The following MUC4 variants were observed in gnomAD, a reference collection of about 807,000 sequenced individuals.
The protein encoded by MUC4 is mucin-4.
Under a neutral mutation model 257.9 loss-of-function variants are expected in MUC4, and 202 were observed. The ratio of observed to expected loss-of-function variants is 0.78; its 90% confidence interval spans 0.70 to 0.88. The LOEUF is 0.88. Among genes scored for constraint, MUC4 ranks in the 40% least tolerant of loss-of-function variants. MUC4 has a pLI of 0.00. For missense variants in MUC4, 5,976 were observed against 6,513.7 expected (o/e 0.92, Z 2.84); for synonymous variants, 2,351 against 2,757.1 (o/e 0.85, Z 4.62).
chr3:195,761,872 C>T (rs377380134), intron 14 of MUC4, among the ~76,000 whole-genome samples: 27 of 152,252 alleles, frequency 1.8e-4, no homozygotes, highest in East Asian at 1.4e-3. Context: ...CGCAGCCCCC[C>T]CTGATGCTCC....
chr3:195,811,682 A>C (rs1277653604), intron 1 of MUC4, 54 bp downstream of exon 1: 5 of 1,531,964 alleles, frequency 3.3e-6, no homozygotes, highest in African/African-American at 1.4e-5. Flanking sequence ...GACAGCTCCC[A>C]CCTCCCCCAA....
In MUC4 at chr3:195,755,649, G is replaced by A. The variant is rs902740545; in HGVS notation, c.15169-1277C>T. Among the ~76,000 whole-genome samples, 4 of 152,060 alleles carry A rather than the reference G, an allele frequency of 2.6e-5. No individual in the cohort carries two copies. Among genetic ancestry groups the A allele is most frequent in the Admixed American group, 6.6e-5 (1 of 15,256 alleles). ...CCCTTTCTAACTCCCTTACTGAAGC[G>A]ACTCGGGGAATCTCCCTAAAATGGA... On this transcript the variant is annotated intron_variant, in intron 18 of 24. Coordinates refer to ENST00000463781, the MANE Select transcript of MUC4 (RefSeq NM_018406.7). The surrounding 1 kb of genome is among the most constrained non-coding windows in gnomAD (Gnocchi z 5.0).
Position 195,757,305 on chromosome 3 carries a change from G to A in MUC4, c.15010C>T (p.Pro5004Ser). The A allele has an allele frequency of 1.2e-6, 2 of 1,607,988 alleles. No individual in the cohort carries two copies. Among genetic ancestry groups the A allele is most frequent in the Non-Finnish European group, 1.7e-6 (2 of 1,174,920 alleles). The change falls in exon 18 of 25, where the codon CCC becomes TCC. Residue 5004 changes from proline to serine, a missense_variant. Physicochemically the swap from Pro to Ser is moderately conservative, Grantham distance 74 (BLOSUM62 -1). Transcript: ENST00000463781. This position sits in a 1 kb window ranked among gnomAD's most constrained non-coding sequence, Gnocchi z 4.8. Reference sequence around the variant, plus strand: ...AGAGTGAATGGCTCCAGCGACTTGGGTGTCCACAGCAACGTCCCATTCTCT... The same window carrying A: ...AGAGTGAATGGCTCCAGCGACTTGGATGTCCACAGCAACGTCCCATTCTCT... The part of the protein sequence containing the change: ...LFENGTLLWT[P>S]KSLEPFTLEI...
chr3:195,761,152 G>A, intron 15 of MUC4, 35 bp from the exon 16 acceptor site: 3 of 1,577,424 alleles, frequency 1.9e-6, no homozygotes, highest in Non-Finnish European at 2.6e-6. Flanking sequence ...ACCAGGCATG[G>A]CACTCAGCCT....
intron 1 of MUC4, among the ~76,000 whole-genome samples, chr3:195,806,732 G>C (rs1736034870): frequency 1.3e-5 from 2 of 152,228 alleles, no homozygotes; most frequent in Admixed American, 1.3e-4. Context: ...TGAGTCAGGA[G>C]ACCTGGGTTC....
intron 23 of MUC4, chr3:195,750,677 T>C: frequency 3.4e-6 from 2 of 588,956 alleles, no homozygotes; most frequent in Non-Finnish European, 6.0e-6. Context: ...GCTGGGTGCT[T>C]GCTCCGTGAA....
intron 19 of MUC4, 172 bp from the exon 20 acceptor site, chr3:195,753,402 C>A: frequency 3.2e-6 from 2 of 619,350 alleles, no homozygotes; most frequent in Non-Finnish European, 2.8e-6. Flanking sequence ...TGCAGGGCAA[C>A]CCCTTTCCCC....
chr3:195,788,339 C>T lies in MUC4; in HGVS notation c.3241G>A (p.Ala1081Thr), dbSNP rs746781019. Residue 1081 changes from alanine (A) to threonine (T), a missense_variant, in exon 2 of 25, where the codon GCA (alanine) becomes ACA (threonine). Coordinates refer to ENST00000463781, the MANE Select transcript of MUC4 (RefSeq NM_018406.7). ...TPLPVTSLSS[A>T]STGDTTPLPV... The stretch of plus-strand genomic sequence containing the variant: ...AGAGGGGTGGTGTCACCTGTGGATG[C>T]TGAGGAAAGGCTGGTGACAGGAAGA... 1.3e-6 allele frequency: 2 copies of T among 1,546,216 alleles called. No homozygotes were observed. The highest frequency in any genetic ancestry group is 1.7e-6 in the Non-Finnish European group (2 of 1,146,020).
At chr3:195,747,779 T>C (rs545171923) in intron 24 of MUC4, among the ~76,000 whole-genome samples, 78 of 152,366 alleles carry the variant, frequency 5.1e-4, no homozygotes, top group African/African-American at 1.8e-3. Flanking sequence ...CAGAATCGCT[T>C]GAACCTGGGA....
At chr3:195,752,083 C>T (rs1194350696) in intron 21 of MUC4, 4 of 432,608 alleles carry the variant, frequency 9.2e-6, no homozygotes, top group South Asian at 9.9e-5. Context: ...GGAAGACTCC[C>T]GGGAGGTGAA....
intron 14 of MUC4, 101 bp downstream of exon 14, chr3:195,761,986 G>A: frequency 7.5e-7 from 1 of 1,340,082 alleles, no homozygotes. Context: ...CAAGGAGGCG[G>A]AGAAAGGGAG....
chr3:195,747,425 A>G, intron 24 of MUC4, 45 bp from the exon 25 acceptor site: 1 of 1,580,798 alleles, frequency 6.3e-7, no homozygotes, highest in Non-Finnish European at 8.7e-7. Context: ...GCGGGAGCTC[A>G]GCCTCCCAGC....
chr3:195,764,551 C>T (rs536819539), intron 10 of MUC4, among the ~76,000 whole-genome samples: 52 of 152,108 alleles, frequency 3.4e-4, no homozygotes, highest in African/African-American at 1.0e-3. Flanking sequence ...GGGGAGGGCA[C>T]GGCTGACGGT....
chr3:195,753,200 T>C lies in MUC4; in HGVS notation c.15359A>G (p.Gln5120Arg), dbSNP rs761798944. 1.5e-5 allele frequency: 24 copies of C among 1,613,788 alleles called. No homozygotes were observed. In the East Asian group the frequency reaches 4.7e-4, roughly 31 times the overall value. Residue 5120 changes from glutamine (Q) to arginine (R), a missense_variant, in exon 20 of 25, where the codon CAG (glutamine) becomes CGG (arginine). Transcript: ENST00000463781. ...GTAGCAGTAATTCACAGGGCAGGAC[T>C]GGTTCTGACACAGGAAAGAGCTCCC... ...ALGSSFLCQN[Q>R]SCPVNYCYNQ...
Position 195,790,187 on chromosome 3 carries a change from G to A in MUC4, c.1393C>T (p.Pro465Ser). ...QSEGAETTGR[P>S]HERSSFSPGV... ...GGAGAGAATGAGCTCCTCTCATGAGGCCGTCCTGTGGTCTCTGCACCTTCA... is the reference window on the plus strand; with the variant it reads ...GGAGAGAATGAGCTCCTCTCATGAGACCGTCCTGTGGTCTCTGCACCTTCA... The change falls in exon 2 of 25, where the codon CCT becomes TCT. Residue 465 changes from proline to serine, a missense_variant. Physicochemically the swap from Pro to Ser is moderately conservative, Grantham distance 74. Coordinates refer to ENST00000463781, the MANE Select transcript of MUC4 (RefSeq NM_018406.7). 6.2e-7 allele frequency: 1 copy of A among 1,614,002 alleles called. No individual in the cohort carries two copies. Among genetic ancestry groups the A allele is most frequent in the Non-Finnish European group, 8.5e-7 (1 of 1,179,886 alleles).
At chr3:195,767,359 GCTACCA>G (rs889519603) in intron 7 of MUC4, among the ~76,000 whole-genome samples, 2 of 148,756 alleles carry the variant, frequency 1.3e-5, no homozygotes, top group African/African-American at 2.4e-5. Flanking sequence ...TGCCACTGCT[GCTACCA>G]CCACCACCAC....
In MUC4 at chr3:195,810,670, C is replaced by T. The variant is rs768564116; in HGVS notation, c.82+1066G>A. ...ACCTCCCGGCCCTCTGCGCCCTGGC[C>T]GCCTCCTCCGCACCACCCTCCCGGC... On this transcript the variant is annotated intron_variant, in intron 1 of 24. Coordinates refer to ENST00000463781, the MANE Select transcript of MUC4 (RefSeq NM_018406.7). The surrounding 1 kb of genome is among the most constrained non-coding windows in gnomAD (Gnocchi z 4.2). Among the ~76,000 whole-genome samples the T allele has an allele frequency of 3.9e-5, 6 of 152,132 alleles. No individual in the cohort carries two copies. The highest frequency in any genetic ancestry group is 7.2e-5 in the African/African-American group (3 of 41,404).
At chr3:195,747,545 G>A (rs1715299047) in intron 24 of MUC4, among the ~76,000 whole-genome samples, 165 bp from the exon 25 acceptor site, 1 of 152,280 alleles carries the variant, frequency 6.6e-6, no homozygotes, top group Non-Finnish European at 1.5e-5. Context: ...AGACCACTGG[G>A]CAAAGGAGGC....
intron 7 of MUC4, among the ~76,000 whole-genome samples, chr3:195,768,708 C>A (rs1722149347): frequency 6.6e-6 from 1 of 152,208 alleles, no homozygotes; most frequent in African/African-American, 2.4e-5. Flanking sequence ...TCAGTCTTGG[C>A]TGTTATTATC....
Sources: allele counts gnomAD v4.1 joint callset (sites outside exome capture counted in the v4.1 genomes callset), GRCh38; gene constraint gnomAD v4.1.1; non-coding constraint Gnocchi (gnomAD v3.1); transcripts MANE v1.5; gene names NCBI Gene and HGNC (gene_info 2026-07-23, HGNC 2026-07-21).